GPATCH8: variants seen among roughly 807,000 people sequenced by gnomAD.
The protein encoded by GPATCH8 is G patch domain-containing protein 8.
GPATCH8 carries 18 observed loss-of-function variants against 118.3 expected under a neutral mutation model. That is an observed-to-expected ratio of 0.15 (90% confidence interval 0.11 to 0.23). The LOEUF (loss-of-function observed/expected upper bound fraction) is 0.23, where lower values mean the gene tolerates loss of function less well. GPATCH8 is among the 10% of genes least tolerant of loss of function. The pLI is 1.00. For missense variants in GPATCH8, 1,631 were observed against 1,873.8 expected (o/e 0.87, Z 2.39); for synonymous variants, 659 against 684.7 (o/e 0.96, Z 0.59).
intron 1 of GPATCH8, among the ~76,000 whole-genome samples, chr17:44,500,485 A>G (rs778568567): frequency 7.2e-5 from 11 of 152,244 alleles, no homozygotes; most frequent in African/African-American, 9.6e-5. Flanking sequence ...ACTGTTAACT[A>G]TAACTTTTCA....
intron 6 of GPATCH8, among the ~76,000 whole-genome samples, chr17:44,413,568 C>G (rs1021237522): frequency 6.6e-6 from 1 of 152,108 alleles, no homozygotes; most frequent in African/African-American, 2.4e-5. Context: ...TGCAACCTCC[C>G]GAGTTCAAGC....
At chr17:44,497,730 A>T (rs1023702878) in intron 1 of GPATCH8, among the ~76,000 whole-genome samples, 1 of 152,092 alleles carries the variant, frequency 6.6e-6, no homozygotes, top group East Asian at 1.9e-4. Context: ...GCTTGAGCCC[A>T]GGAGTTCAAG....
intron 3 of GPATCH8, among the ~76,000 whole-genome samples, chr17:44,464,139 A>G (rs926197263): frequency 6.6e-6 from 1 of 152,152 alleles, no homozygotes; most frequent in Non-Finnish European, 1.5e-5. Flanking sequence ...AAATAGCACA[A>G]AGAAAGCATA....
At chr17:44,450,356 T>C (rs1333364400) in intron 3 of GPATCH8, among the ~76,000 whole-genome samples, 6 of 152,202 alleles carry the variant, frequency 3.9e-5, no homozygotes, top group East Asian at 1.9e-4. Flanking sequence ...AATTACCTTC[T>C]CTAAACACAG....
Position 44,401,432 on chromosome 17 carries a change from C to A in GPATCH8, c.645G>T (p.Met215Ile), listed in dbSNP as rs1402022602. 6.2e-7 allele frequency: 1 copy of A among 1,610,026 alleles called. No homozygotes were observed. Among genetic ancestry groups the A allele is most frequent in the Admixed American group, 1.7e-5 (1 of 60,014 alleles). Residue 215 changes from methionine (M) to isoleucine (I), a missense_variant, in exon 8 of 8, where the codon ATG (methionine) becomes ATT (isoleucine). Met to Ile is a conservative substitution (Grantham distance 10). Coordinates refer to ENST00000591680, the MANE Select transcript of GPATCH8 (RefSeq NM_001002909.4). The part of the protein sequence containing the change: ...QAECAPGSGP[M>I]FKPTTVAVDE... ...CTACAGCCACTGTGGTTGGTTTGAACATGGGACCACTTCCAGGTGCACTAC... is the reference window on the plus strand; with the variant it reads ...CTACAGCCACTGTGGTTGGTTTGAAAATGGGACCACTTCCAGGTGCACTAC...
chr17:44,413,587 T>C (rs1432208455), intron 6 of GPATCH8, among the ~76,000 whole-genome samples: 1 of 152,182 alleles, frequency 6.6e-6, no homozygotes, highest in Non-Finnish European at 1.5e-5. Flanking sequence ...GCGATTCTCC[T>C]GCCTCAGCCT....
chr17:44,484,305 G>A (rs1489952385), intron 1 of GPATCH8, among the ~76,000 whole-genome samples: 2 of 152,126 alleles, frequency 1.3e-5, no homozygotes, highest in East Asian at 1.9e-4. Flanking sequence ...TTTAAATGGC[G>A]TTGATTCAAA....
At chr17:44,436,401 G>T in intron 4 of GPATCH8, 77 bp downstream of exon 4, 1 of 784,672 alleles carries the variant, frequency 1.3e-6, no homozygotes, top group Non-Finnish European at 2.4e-6. Flanking sequence ...ATGTATTCTT[G>T]CACAGACATC....
chr17:44,463,545 G>C (rs2051642967), intron 3 of GPATCH8, among the ~76,000 whole-genome samples: 2 of 152,144 alleles, frequency 1.3e-5, no homozygotes, highest in Admixed American at 1.3e-4. Context: ...ACCACGCCTG[G>C]CTAATTTATG....
At chr17:44,456,529 C>T (rs1276706666) in intron 3 of GPATCH8, among the ~76,000 whole-genome samples, 1 of 152,144 alleles carries the variant, frequency 6.6e-6, no homozygotes, top group East Asian at 1.9e-4. Flanking sequence ...AGCCTGTAAT[C>T]CTAGCACTTT....
At position 44,427,763 on chromosome 17, in the gene GPATCH8, A is replaced by G. The variant is rs575560389; in HGVS notation, c.349-3271T>C. Reference sequence around the variant, plus strand: ...AAGAATGGCCATTTTACTTATTAACATTATATGATAGAGTTTTTAAAATGG... The same window carrying G: ...AAGAATGGCCATTTTACTTATTAACGTTATATGATAGAGTTTTTAAAATGG... On this transcript the variant is annotated intron_variant, in intron 5 of 7. Transcript: ENST00000591680. Among the ~76,000 whole-genome samples, 6 of 152,346 alleles carry G rather than the reference A, an allele frequency of 3.9e-5. No individual in the cohort carries two copies. The South Asian group carries it at 1.2e-3, about 32-fold the overall frequency.
At chr17:44,422,616 G>T (rs962743886) in intron 6 of GPATCH8, among the ~76,000 whole-genome samples, 1 of 151,470 alleles carries the variant, frequency 6.6e-6, no homozygotes, top group Non-Finnish European at 1.5e-5. Flanking sequence ...CAGCCTCTCC[G>T]AGTAGCTGGG....
At chr17:44,479,981 T>A (rs1442389634) in intron 1 of GPATCH8, among the ~76,000 whole-genome samples, 1 of 149,590 alleles carries the variant, frequency 6.7e-6, no homozygotes, top group African/African-American at 2.5e-5. Flanking sequence ...AAAAAAAAAA[T>A]TGATAGGCTG....
rs1239752320 is a variant in GPATCH8, at chr17:44,461,869, T to C, written c.193+2603A>G. ...CCAAGCCCAACTAATTTTTGGGGGG[T>C]GGGGTGTAGGGGGAGATAGAGATGG... On this transcript the variant is annotated intron_variant, in intron 3 of 7. Coordinates refer to ENST00000591680, the MANE Select transcript of GPATCH8 (RefSeq NM_001002909.4). Among the ~76,000 whole-genome samples the C allele has an allele frequency of 3.5e-5, 5 of 142,944 alleles. No homozygotes were observed. In the South Asian group the frequency reaches 9.0e-4, roughly 26 times the overall value. 93.8% of individuals were successfully genotyped at this position (142,944 alleles called of 152,430 possible). A position where few individuals can be genotyped will look rare whatever the true frequency, so the allele number is the denominator to read the frequency against.
Position 44,399,035 on chromosome 17 carries a change from G to C in GPATCH8, c.3042C>G (p.Ser1014Arg), listed in dbSNP as rs2048896116. The C allele has an allele frequency of 6.2e-7, 1 of 1,613,914 alleles. No homozygotes were observed. ...GSRKRSWGHESPEERHSGRRD... is the reference protein window; with the variant it reads ...GSRKRSWGHERPEERHSGRRD... ...GACGCCCAGAATGCCTCTCCTCAGG[G>C]CTCTCGTGACCCCATGATCTCTTCC... The change falls in exon 8 of 8, where the codon AGC (serine) becomes AGG (arginine). Residue 1014 changes from serine to arginine, a missense_variant. Around this residue, in one of 8 missense-constraint regions of GPATCH8, gnomAD observed 922 missense variants for 879.7 expected, o/e 1.05. Coordinates refer to ENST00000591680, the MANE Select transcript of GPATCH8 (RefSeq NM_001002909.4).
chr17:44,484,348 G>A (rs899161963), intron 1 of GPATCH8, among the ~76,000 whole-genome samples: 2 of 152,042 alleles, frequency 1.3e-5, no homozygotes, highest in Non-Finnish European at 2.9e-5. Context: ...AAAGCTCAAA[G>A]GTAAACACAA....
intron 4 of GPATCH8, 98 bp from the exon 5 acceptor site, chr17:44,435,249 A>C (rs1411159454): frequency 1.1e-5 from 7 of 658,514 alleles, no homozygotes; most frequent in Non-Finnish European, 1.9e-5. Context: ...ATCTGAAAAC[A>C]AAAAAAAATT....
Position 44,400,599 on chromosome 17 carries a change from T to C in GPATCH8, c.1478A>G (p.Gln493Arg). Residue 493 changes from glutamine to arginine, a missense_variant, in exon 8 of 8, where the codon CAG becomes CGG. By Grantham distance (43) the Gln-to-Arg change is conservative. This residue lies in a region of GPATCH8 where 405 missense variants were observed against 462.7 expected (regional missense o/e 0.88). Coordinates refer to ENST00000591680, the MANE Select transcript of GPATCH8 (RefSeq NM_001002909.4). ...KKALGGDVSD[Q>R]SLESHSQKVS... ...CTTCTGACTATGACTTTCTAAACTC[T>C]GATCACTTACATCCCCTCCTAAGGC... 1 of 1,614,198 alleles carries C rather than the reference T, an allele frequency of 6.2e-7. No individual in the cohort carries two copies. Among genetic ancestry groups the C allele is most frequent in the Non-Finnish European group, 8.5e-7 (1 of 1,179,994 alleles).
intron 6 of GPATCH8, among the ~76,000 whole-genome samples, chr17:44,422,992 G>T (rs2049967167): frequency 6.6e-6 from 1 of 151,784 alleles, no homozygotes; most frequent in African/African-American, 2.4e-5. Flanking sequence ...TCCACGGCCG[G>T]GCGCAGTGGC....
Sources: allele counts gnomAD v4.1 joint callset (sites outside exome capture counted in the v4.1 genomes callset), GRCh38; gene constraint gnomAD v4.1.1; regional missense constraint gnomAD v4.1.1; transcripts MANE v1.5; gene names NCBI Gene and HGNC (gene_info 2026-07-23, HGNC 2026-07-21).